ZNF804B: variants seen among roughly 807,000 people sequenced by gnomAD.
The protein encoded by ZNF804B is zinc finger 804B.
Under a neutral mutation model 101.4 loss-of-function variants are expected in ZNF804B, and 80 were observed. That is an observed-to-expected ratio of 0.79 (90% CI 0.66 to 0.95). The LOEUF (loss-of-function observed/expected upper bound fraction) is 0.95. Among genes scored for constraint, ZNF804B ranks in the 40% least tolerant of loss-of-function variants. The probability of loss-of-function intolerance (pLI) is 0.00; values close to 1 mark genes in which losing one functional copy is unlikely to be tolerated. For synonymous variants in ZNF804B, 622 were observed against 558.8 expected, an observed-to-expected ratio of 1.11 and a Z score of -1.59; for missense variants, 1,673 against 1,561.9, an observed-to-expected ratio of 1.07 and a Z score of -1.20.
At chr7:88,825,784 A>T (rs1422859548) in intron 1 of ZNF804B, among the ~76,000 whole-genome samples, 1 of 152,156 alleles carries the variant, frequency 6.6e-6, no homozygotes, top group African/African-American at 2.4e-5. Context: ...CTGTACCTGT[A>T]TGATGATGCT....
At chr7:88,791,380 T>A (rs1459378708) in intron 1 of ZNF804B, among the ~76,000 whole-genome samples, 1 of 152,132 alleles carries the variant, frequency 6.6e-6, no homozygotes, top group Non-Finnish European at 1.5e-5. Context: ...TTGTTTATAG[T>A]CACACTGTGT....
At chr7:88,954,357 T>A (rs1444962817) in intron 1 of ZNF804B, among the ~76,000 whole-genome samples, 1 of 151,716 alleles carries the variant, frequency 6.6e-6, no homozygotes, top group Non-Finnish European at 1.5e-5. Flanking sequence ...ACTCTTAAAA[T>A]AATTGAGGGT....
At chr7:88,869,442 CTT>C (rs879855437) in intron 1 of ZNF804B, among the ~76,000 whole-genome samples, 2 of 152,142 alleles carry the variant, frequency 1.3e-5, no homozygotes, top group African/African-American at 4.8e-5. Flanking sequence ...CTTTATGACA[CTT>C]TTCAACATTT....
intron 1 of ZNF804B, among the ~76,000 whole-genome samples, chr7:88,970,408 C>G (rs1018210259): frequency 1.3e-5 from 2 of 149,480 alleles, no homozygotes; most frequent in Non-Finnish European, 3.0e-5. Context: ...GCCTCTGGAT[C>G]AAATGACACT....
intron 1 of ZNF804B, among the ~76,000 whole-genome samples, chr7:89,075,964 C>A (rs1349388804): frequency 6.6e-6 from 1 of 152,168 alleles, no homozygotes; most frequent in East Asian, 1.9e-4. Context: ...TTTGTTTTGG[C>A]CAATTTCATC....
chr7:88,942,183 A>G (rs905708723), intron 1 of ZNF804B, among the ~76,000 whole-genome samples: 2 of 151,924 alleles, frequency 1.3e-5, no homozygotes, highest in African/African-American at 4.8e-5. Flanking sequence ...ATGGTCTTGT[A>G]TAAAAAAATC....
chr7:88,898,623 G>T (rs932332606), intron 1 of ZNF804B, among the ~76,000 whole-genome samples: 1 of 152,026 alleles, frequency 6.6e-6, no homozygotes, highest in Non-Finnish European at 1.5e-5. Context: ...GGACCCTCCC[G>T]CTGTTATTAA....
At chr7:89,027,453 A>G (rs537248269) in intron 1 of ZNF804B, among the ~76,000 whole-genome samples, 119 of 152,340 alleles carry the variant, frequency 7.8e-4, no homozygotes, top group African/African-American at 2.8e-3. Flanking sequence ...TTTAGCATTT[A>G]TAACAGAAAA....
chr7:89,046,802 TA>T (rs1431339192), intron 1 of ZNF804B, among the ~76,000 whole-genome samples: 1 of 152,022 alleles, frequency 6.6e-6, no homozygotes, highest in African/African-American at 2.4e-5. Flanking sequence ...CATTTTTTTT[TA>T]GAATCCCTAG....
chr7:88,796,333 A>G (rs537887862), intron 1 of ZNF804B, among the ~76,000 whole-genome samples: 2 of 152,260 alleles, frequency 1.3e-5, no homozygotes, highest in East Asian at 3.9e-4. Context: ...ATCCAAGTAA[A>G]TGAAGGCAGA....
chr7:89,170,917 T>A (rs1002634054), intron 1 of ZNF804B, among the ~76,000 whole-genome samples: 2 of 152,178 alleles, frequency 1.3e-5, no homozygotes, highest in Non-Finnish European at 2.9e-5. Context: ...CCAACCATTT[T>A]TTTACTCATC....
At chr7:89,046,089 C>A (rs1789100747) in intron 1 of ZNF804B, among the ~76,000 whole-genome samples, 1 of 151,966 alleles carries the variant, frequency 6.6e-6, no homozygotes, top group African/African-American at 2.4e-5. Context: ...TGAGTGAGTT[C>A]TCCCGAGATC....
chr7:89,107,614 C>G (rs1166633854), intron 1 of ZNF804B, among the ~76,000 whole-genome samples: 1 of 152,090 alleles, frequency 6.6e-6, no homozygotes, highest in East Asian at 1.9e-4. Flanking sequence ...CATTTCTCTT[C>G]CTGTCAAACA....
chr7:88,823,816 G>C (rs1485268729), intron 1 of ZNF804B, among the ~76,000 whole-genome samples: 3 of 151,938 alleles, frequency 2.0e-5, no homozygotes, highest in African/African-American at 4.8e-5. Flanking sequence ...ACAATGAGAA[G>C]AAGAGGAAGA....
chr7:89,165,617 T>C (rs754699154), intron 1 of ZNF804B, among the ~76,000 whole-genome samples: 15 of 152,058 alleles, frequency 9.9e-5, no homozygotes, highest in Non-Finnish European at 1.3e-4. Flanking sequence ...CTAAAATTAA[T>C]AAACACACTG....
At chr7:88,844,250 A>G (rs1791336097) in intron 1 of ZNF804B, among the ~76,000 whole-genome samples, 1 of 152,224 alleles carries the variant, frequency 6.6e-6, no homozygotes, top group Non-Finnish European at 1.5e-5. Context: ...ATTGTCTAAT[A>G]TCTTTTGCAT....
intron 1 of ZNF804B, among the ~76,000 whole-genome samples, chr7:88,915,797 T>TTAAG (rs1792624252): frequency 6.6e-6 from 1 of 151,096 alleles, no homozygotes; most frequent in Admixed American, 6.6e-5. Flanking sequence ...TTACTAAAAA[T>TTAAG]TAAATATTTG....
intron 1 of ZNF804B, among the ~76,000 whole-genome samples, chr7:89,142,170 A>G (rs1359796378): frequency 6.6e-6 from 1 of 151,900 alleles, no homozygotes; most frequent in African/African-American, 2.4e-5. Context: ...AAACTCTTGC[A>G]AAATTGCCTT....
intron 1 of ZNF804B, among the ~76,000 whole-genome samples, chr7:89,015,540 T>A (rs1788537600): frequency 6.7e-6 from 1 of 149,726 alleles, no homozygotes; most frequent in African/African-American, 2.4e-5. Flanking sequence ...CCTGTGTCCA[T>A]GTGTTCTCAT....
Sources: gnomAD v4.1 joint callset for allele counts (sites outside exome capture counted in the v4.1 genomes callset) on GRCh38, gnomAD v4.1.1 for gene constraint, MANE v1.5 for transcripts, NCBI Gene and HGNC (gene_info 2026-07-23, HGNC 2026-07-21) for gene names.